Variants in PPARGC1A observed in about 807,000 individuals in gnomAD.
PPARGC1A encodes peroxisome proliferator-activated receptor gamma coactivator 1-alpha.
A neutral mutation model predicts 88.7 loss-of-function variants in PPARGC1A; 25 were observed. That is an observed-to-expected ratio of 0.28 (90% CI 0.21 to 0.39). The LOEUF (loss-of-function observed/expected upper bound fraction) is 0.39. Among genes scored for constraint, PPARGC1A ranks in the 10% least tolerant of loss-of-function variants. The pLI is 1.00. For synonymous variants in PPARGC1A, 363 were observed against 355.6 expected (o/e 1.02, Z -0.24); for missense variants, 880 against 968.7 (o/e 0.91, Z 1.22).
chr4:24,175,538 CTTT>C, the PPARGC1A span, among the ~76,000 whole-genome samples: 1 of 84,884 alleles, frequency 1.2e-5, no homozygotes, highest in Non-Finnish European at 2.2e-5. Context: ...CCACACCAAG[CTTT>C]TTTTTTTTTT....
chr4:24,160,340 T>C, the PPARGC1A span, among the ~76,000 whole-genome samples: 1 of 152,226 alleles, frequency 6.6e-6, no homozygotes, highest in Non-Finnish European at 1.5e-5. Flanking sequence ...GTGGAGTATC[T>C]AGCATGTTAC....
chr4:24,121,688 C>A, the PPARGC1A span, among the ~76,000 whole-genome samples: 1 of 152,188 alleles, frequency 6.6e-6, no homozygotes, highest in Admixed American at 6.5e-5. Flanking sequence ...AGCATCTCCT[C>A]TCTGCAGCCT....
chr4:24,433,200 T>A, the PPARGC1A span, among the ~76,000 whole-genome samples: 9 of 152,238 alleles, frequency 5.9e-5, no homozygotes, highest in Non-Finnish European at 1.3e-4. Context: ...CCTGCCAGAT[T>A]GACTTTTTCT....
the PPARGC1A span, among the ~76,000 whole-genome samples, chr4:23,987,552 T>C: frequency 6.6e-6 from 1 of 152,072 alleles, no homozygotes; most frequent in African/African-American, 2.4e-5. Flanking sequence ...GGGGTCTGTG[T>C]CACTGCTTCC....
chr4:23,872,294 C>G (rs1017112565), intron 2 of PPARGC1A, among the ~76,000 whole-genome samples: 1 of 152,158 alleles, frequency 6.6e-6, no homozygotes, highest in Non-Finnish European at 1.5e-5. Flanking sequence ...GCTCTCTTCC[C>G]TTGGTTGGCT....
chr4:24,339,295 A>G, the PPARGC1A span, among the ~76,000 whole-genome samples: 1 of 150,362 alleles, frequency 6.7e-6, no homozygotes, highest in African/African-American at 2.5e-5. Flanking sequence ...TTAAGGCTGA[A>G]TAATATTCCA....
At chr4:23,951,519 C>T in the PPARGC1A span, among the ~76,000 whole-genome samples, 3 of 152,012 alleles carry the variant, frequency 2.0e-5, no homozygotes, top group African/African-American at 7.2e-5. Flanking sequence ...GATCAAAACA[C>T]ACAAGAAAAA....
chr4:24,050,194 C>CTTTTTT, the PPARGC1A span, among the ~76,000 whole-genome samples: 30 of 127,818 alleles, frequency 2.3e-4, 7 homozygotes, highest in Admixed American at 2.6e-4. Flanking sequence ...CTTAGGTGAC[C>CTTTTTT]TTTTGTTTTT....
At chr4:23,843,380 C>A (rs536081463) in intron 2 of PPARGC1A, among the ~76,000 whole-genome samples, 68 of 152,128 alleles carry the variant, frequency 4.5e-4, no homozygotes, top group Admixed American at 1.8e-3. Context: ...AGGTGTGTGA[C>A]CTTCTGCAAG....
the PPARGC1A span, among the ~76,000 whole-genome samples, chr4:24,456,212 A>G: frequency 1.3e-5 from 2 of 152,352 alleles, no homozygotes; most frequent in South Asian, 4.1e-4. Context: ...ATTGAGTCAT[A>G]AAGCTGTAAC....
the PPARGC1A span, among the ~76,000 whole-genome samples, chr4:24,016,774 C>T: frequency 3.9e-5 from 6 of 152,112 alleles, no homozygotes; most frequent in African/African-American, 1.2e-4. Context: ...GAATAACACA[C>T]CTGAGAAATA....
rs542493144 is a variant in PPARGC1A, at chr4:23,824,176, G to A, written c.877+104C>T. On this transcript the variant is annotated intron_variant, in intron 7 of 12. Coordinates refer to ENST00000264867, the MANE Select transcript of PPARGC1A (RefSeq NM_013261.5). ...CTTCTTATCCAATTTTGTATTCTTT[G>A]TTAATTTCATTAACCACATAGACAG... is the stretch of plus-strand genomic sequence containing the variant. 2.4e-5 allele frequency: 21 copies of A among 876,232 alleles called. No individual in the cohort carries two copies. In the African/African-American group the frequency reaches 3.6e-4, roughly 15 times the overall value. The allele number at this position is 876,232 out of a possible 1,614,324, so 54.3% of individuals were successfully genotyped here. A position where few individuals can be genotyped will look rare whatever the true frequency, so the allele number is the denominator to read the frequency against.
chr4:24,339,398 G>A, the PPARGC1A span, among the ~76,000 whole-genome samples: 1 of 151,080 alleles, frequency 6.6e-6, no homozygotes, highest in Non-Finnish European at 1.5e-5. Flanking sequence ...CCATTTCAGA[G>A]ACCTACATGC....
chr4:24,462,928 T>C, the PPARGC1A span, among the ~76,000 whole-genome samples: 2 of 152,004 alleles, frequency 1.3e-5, no homozygotes, highest in South Asian at 2.1e-4. Flanking sequence ...CCCCTCCACC[T>C]TCACCCAGGA....
the PPARGC1A span, among the ~76,000 whole-genome samples, chr4:24,338,171 T>C: frequency 6.6e-6 from 1 of 152,244 alleles, no homozygotes; most frequent in East Asian, 1.9e-4. Flanking sequence ...CGATCAGAAA[T>C]GATGATTTGT....
chr4:24,367,543 G>C, the PPARGC1A span, among the ~76,000 whole-genome samples: 7 of 152,304 alleles, frequency 4.6e-5, 2 homozygotes, highest in East Asian at 1.4e-3. Context: ...TATGAAAAAT[G>C]AAAGTCATTC....
chr4:23,828,629 C>A, intron 4 of PPARGC1A, 25 bp from the exon 5 acceptor site: 1 of 1,606,564 alleles, frequency 6.2e-7, no homozygotes, highest in South Asian at 1.1e-5. Context: ...ATAAAGAAAG[C>A]TAAAATTAGT....
At chr4:23,871,394 TG>T (rs2148769162) in intron 2 of PPARGC1A, among the ~76,000 whole-genome samples, 1 of 152,318 alleles carries the variant, frequency 6.6e-6, no homozygotes, top group Non-Finnish European at 1.5e-5. Context: ...GCCCTGGAAT[TG>T]GGGACCAGCA....
At chr4:23,910,214 T>C in the PPARGC1A span, among the ~76,000 whole-genome samples, 3 of 106,326 alleles carry the variant, frequency 2.8e-5, no homozygotes, top group African/African-American at 1.0e-4. Context: ...TATACATATA[T>C]AATATATAAT....
Sources: gnomAD v4.1 joint callset for allele counts (sites outside exome capture counted in the v4.1 genomes callset) on GRCh38, gnomAD v4.1.1 for gene constraint, MANE v1.5 for transcripts, NCBI Gene and HGNC (gene_info 2026-07-23, HGNC 2026-07-21) for gene names.